Variants in BACH2 observed in about 807,000 individuals in gnomAD.
The protein encoded by BACH2 is transcription regulator protein BACH2.
In BACH2, 5 loss-of-function variants were observed where a neutral mutation model predicts 61.8. The observed-to-expected ratio is 0.08, with a 90% CI of 0.04 to 0.17. The LOEUF is 0.17. Ranked by LOEUF, BACH2 falls within the 10% of genes least tolerant of loss-of-function variation. The pLI, the probability that BACH2 is intolerant of heterozygous loss-of-function variation, is 1.00. For synonymous variants in BACH2, 446 were observed against 440.1 expected, an observed-to-expected ratio of 1.01 and a Z score of -0.17; for missense variants, 824 against 1,091.1, an observed-to-expected ratio of 0.76 and a Z score of 3.45.
At chr6:90,030,233 T>C (rs1380042385) in intron 5 of BACH2, among the ~76,000 whole-genome samples, 1 of 151,952 alleles carries the variant, frequency 6.6e-6, no homozygotes. Flanking sequence ...TCCGCAGCCC[T>C]CAGGAAAACA....
chr6:90,098,711 T>C lies in BACH2; in HGVS notation c.-161-9602A>G, dbSNP rs374599852. On this transcript the variant is annotated intron_variant, in intron 4 of 8. Coordinates refer to ENST00000257749, the MANE Select transcript of BACH2 (RefSeq NM_021813.4). ...TCTTGTAAAAGAACTCCAGTACTTC[T>C]CTTTGTCTACAAGCCCCTGTACTGG... is the stretch of plus-strand genomic sequence containing the variant. 2.6e-4 allele frequency among the ~76,000 whole-genome samples: 40 copies of C among 152,308 alleles called. 1 individual carries two copies. Among genetic ancestry groups the C allele is most frequent in the African/African-American group, 9.6e-4 (40 of 41,562 alleles).
At chr6:90,094,498 C>T (rs1438815780) in intron 4 of BACH2, among the ~76,000 whole-genome samples, 1 of 152,170 alleles carries the variant, frequency 6.6e-6, no homozygotes, top group Non-Finnish European at 1.5e-5. Flanking sequence ...CAATTCTCTC[C>T]TATCCTAATC....
At chr6:90,065,652 A>G (rs1780925229) in intron 5 of BACH2, among the ~76,000 whole-genome samples, 2 of 152,334 alleles carry the variant, frequency 1.3e-5, no homozygotes, top group South Asian at 4.1e-4. Context: ...GAGCCAGTCC[A>G]AACTAGAAGA....
intron 1 of BACH2, among the ~76,000 whole-genome samples, chr6:90,295,730 T>C (rs2127896722): frequency 2.0e-5 from 3 of 151,652 alleles, no homozygotes; most frequent in East Asian, 2.0e-4. Flanking sequence ...AGGTGCAAGG[T>C]TTCCCTCTCA....
chr6:90,199,252 G>A (rs866799733), intron 4 of BACH2, among the ~76,000 whole-genome samples: 4 of 152,122 alleles, frequency 2.6e-5, no homozygotes, highest in Non-Finnish European at 5.9e-5. Context: ...AGAGAACAAC[G>A]GAAATGTGTT....
At chr6:90,237,050 A>C (rs1182812060) in intron 3 of BACH2, among the ~76,000 whole-genome samples, 2 of 152,046 alleles carry the variant, frequency 1.3e-5, no homozygotes, top group African/African-American at 4.8e-5. Flanking sequence ...CAGCCTCCCA[A>C]GTAGCTGGGA....
At chr6:90,102,862 C>A (rs1782718840) in intron 4 of BACH2, among the ~76,000 whole-genome samples, 1 of 144,892 alleles carries the variant, frequency 6.9e-6, no homozygotes, top group African/African-American at 2.5e-5. Flanking sequence ...ACCTTCCATT[C>A]AGTTAGGACT....
intron 5 of BACH2, among the ~76,000 whole-genome samples, chr6:90,015,925 C>T (rs575914666): frequency 6.6e-6 from 1 of 152,264 alleles, no homozygotes; most frequent in African/African-American, 2.4e-5. Context: ...TTAGTTTCTG[C>T]CTCATGCAGT....
At chr6:89,934,429 G>A (rs1015293666) in intron 8 of BACH2, among the ~76,000 whole-genome samples, 7 of 152,128 alleles carry the variant, frequency 4.6e-5, no homozygotes, top group Non-Finnish European at 1.0e-4. Context: ...CGGCTGAGAT[G>A]GGCAGATCAC....
intron 4 of BACH2, among the ~76,000 whole-genome samples, chr6:90,131,530 C>A (rs958566986): frequency 3.9e-5 from 6 of 152,168 alleles, no homozygotes; most frequent in African/African-American, 1.4e-4. Context: ...TCAGCGAAAG[C>A]CTCTGAATAG....
chr6:89,962,714 G>A (rs72923927), intron 6 of BACH2, among the ~76,000 whole-genome samples: 14,964 of 151,982 alleles, frequency 0.098, 821 homozygotes, highest in South Asian at 0.14. Context: ...CCTTTTTCTT[G>A]TTAACATAAA....
At chr6:90,189,945 T>C (rs1438351382) in intron 4 of BACH2, among the ~76,000 whole-genome samples, 1 of 149,998 alleles carries the variant, frequency 6.7e-6, no homozygotes, top group African/African-American at 2.4e-5. Flanking sequence ...CTATTAACTC[T>C]GAGCATTTTT....
rs143605458 is a variant in BACH2 at position 90,042,261 on chromosome 6, T to C, written c.-12-33405A>G. ...AGGCTGGAGTGCAGTGGCGCAATCA[T>C]GGGTCACTGCAACCTCCGCCTTTTG... On this transcript the variant is annotated intron_variant, in intron 5 of 8. Coordinates refer to ENST00000257749, the MANE Select transcript of BACH2 (RefSeq NM_021813.4). Among the ~76,000 whole-genome samples the C allele has an allele frequency of 6.6e-5, 10 of 152,242 alleles. No individual in the cohort carries two copies. In the East Asian group the frequency reaches 1.9e-3, roughly 29 times the overall value.
At chr6:90,110,862 A>G (rs207264) in intron 4 of BACH2, among the ~76,000 whole-genome samples, 71,508 of 152,042 alleles carry the variant, frequency 0.47, 17,325 homozygotes, top group Admixed American at 0.54. Context: ...GGTATACGGT[A>G]GAAGGGCTTA....
intron 3 of BACH2, among the ~76,000 whole-genome samples, chr6:90,227,263 C>T (rs1769946495): frequency 1.3e-5 from 2 of 152,216 alleles, no homozygotes; most frequent in African/African-American, 4.8e-5. Context: ...GTCTGCTCCA[C>T]GCATTCTCCC....
At chr6:90,177,259 C>T (rs1027823824) in intron 4 of BACH2, among the ~76,000 whole-genome samples, 1 of 152,164 alleles carries the variant, frequency 6.6e-6, no homozygotes, top group Admixed American at 6.5e-5. Context: ...GTCTTCCCAA[C>T]TACACTGCAG....
At chr6:90,281,315 T>C (rs1175904713) in intron 1 of BACH2, among the ~76,000 whole-genome samples, 3 of 152,250 alleles carry the variant, frequency 2.0e-5, no homozygotes, top group African/African-American at 7.2e-5. Context: ...CTATTTAATG[T>C]CATCTTGCTA....
chr6:90,015,226 A>C (rs1777996205), intron 5 of BACH2, among the ~76,000 whole-genome samples: 1 of 152,118 alleles, frequency 6.6e-6, no homozygotes, highest in Admixed American at 6.5e-5. Flanking sequence ...ACATTCTCAA[A>C]TAACTAGTTT....
intron 5 of BACH2, among the ~76,000 whole-genome samples, chr6:90,076,068 T>C (rs368542683): frequency 6.6e-6 from 1 of 152,188 alleles, no homozygotes; most frequent in East Asian, 1.9e-4. Context: ...AAAATGATTT[T>C]TCTCTACAAG....
Sources: gnomAD v4.1 joint callset for allele counts (sites outside exome capture counted in the v4.1 genomes callset) on GRCh38, gnomAD v4.1.1 for gene constraint, MANE v1.5 for transcripts, NCBI Gene and HGNC (gene_info 2026-07-23, HGNC 2026-07-21) for gene names.